Variants in HNRNPM observed in about 807,000 individuals in gnomAD.
The protein encoded by HNRNPM is heterogeneous nuclear ribonucleoprotein M, also known as CEA receptor.
Under a neutral mutation model 73.1 loss-of-function variants are expected in HNRNPM, and 11 were observed. The ratio of observed to expected loss-of-function variants is 0.15; its 90% CI spans 0.09 to 0.25. HNRNPM has a LOEUF of 0.25. Ranked by LOEUF, HNRNPM falls within the 10% of genes least tolerant of loss-of-function variation. The probability of loss-of-function intolerance (pLI) is 1.00; values close to 1 mark genes in which losing one functional copy is unlikely to be tolerated. For missense variants in HNRNPM, 789 were observed against 1,067.9 expected, an observed-to-expected ratio of 0.74 and a Z score of 3.64; for synonymous variants, 407 against 355.2, an observed-to-expected ratio of 1.15 and a Z score of -1.64.
chr19:8,474,121 T>G (rs1045334211), intron 11 of HNRNPM, 46 bp from the exon 12 acceptor site: 13 of 1,388,802 alleles, frequency 9.4e-6, no homozygotes, highest in Admixed American at 2.3e-5. Flanking sequence ...CTGCTTAGTC[T>G]AAGCAGTCTT....
rs191064607 is a variant in HNRNPM at position 8,465,945 on chromosome 19, C to T, written c.631-290C>T. Among the ~76,000 whole-genome samples the T allele has an allele frequency of 5.9e-4, 90 of 152,116 alleles. No homozygotes were observed. The Middle Eastern group carries it at 0.02, about 34-fold the overall frequency. ...TGGGGTGGGGAGTGGTAAAGCTTAT[C>T]AGGGAAACAATTTTTTAAAAATGTT... On this transcript the variant is annotated intron_variant, in intron 6 of 15. Transcript: ENST00000325495.
At chr19:8,448,042 C>G (rs928082271) in intron 1 of HNRNPM, among the ~76,000 whole-genome samples, 1 of 152,126 alleles carries the variant, frequency 6.6e-6, no homozygotes, top group Non-Finnish European at 1.5e-5. Context: ...AACAAACAAA[C>G]AAGAACACTG....
At chr19:8,447,068 C>G (rs1325415705) in intron 1 of HNRNPM, among the ~76,000 whole-genome samples, 1 of 152,126 alleles carries the variant, frequency 6.6e-6, no homozygotes, top group Non-Finnish European at 1.5e-5. Context: ...TTTCCCCTGT[C>G]CATTTTCAAA....
At chr19:8,455,260 T>C (rs1968925756) in intron 1 of HNRNPM, 145 bp from the exon 2 acceptor site, 1 of 659,262 alleles carries the variant, frequency 1.5e-6, no homozygotes, top group Non-Finnish European at 2.5e-6. Context: ...GGATTACAGG[T>C]GTGAGCCACC....
Position 8,486,967 on chromosome 19 carries a change from C to T in HNRNPM, c.1978-57C>T, listed in dbSNP as rs367566072. On this transcript the variant is annotated intron_variant, in intron 14 of 15. Coordinates refer to ENST00000325495, the MANE Select transcript of HNRNPM (RefSeq NM_005968.5). ...ATGGCCCTCAGAGCCAGCTGCAAGG[C>T]ATGCCTTAGGATTTGGTTTAATCAC... 754 of 1,358,776 alleles carry T rather than the reference C, an allele frequency of 5.5e-4. 3 individuals carry two copies. The highest frequency in any genetic ancestry group is 6.9e-4 in the Non-Finnish European group (651 of 947,058). The allele number at this position is 1,358,776 out of a possible 1,614,324, so 84.2% of individuals were successfully genotyped here. A position where few individuals can be genotyped will look rare whatever the true frequency, so the allele number is the denominator to read the frequency against.
intron 1 of HNRNPM, among the ~76,000 whole-genome samples, chr19:8,454,651 C>T (rs1035215758): frequency 4.1e-5 from 6 of 146,754 alleles, no homozygotes; most frequent in Non-Finnish European, 8.9e-5. Flanking sequence ...CTAACTTTTC[C>T]ATGGCGGCTG....
intron 1 of HNRNPM, among the ~76,000 whole-genome samples, chr19:8,452,441 G>C (rs1010755038): frequency 6.6e-6 from 1 of 152,180 alleles, no homozygotes; most frequent in African/African-American, 2.4e-5. Context: ...CATTTTCCAG[G>C]AAAGAGTAGG....
chr19:8,458,843 C>G (rs1329021235), intron 2 of HNRNPM, among the ~76,000 whole-genome samples: 3 of 152,204 alleles, frequency 2.0e-5, no homozygotes, highest in Admixed American at 1.3e-4. Context: ...CATTGTGGGT[C>G]TATTAGGCAG....
At chr19:8,472,880 C>G (rs1346002362) in intron 10 of HNRNPM, among the ~76,000 whole-genome samples, 1 of 152,188 alleles carries the variant, frequency 6.6e-6, no homozygotes, top group Non-Finnish European at 1.5e-5. Context: ...CCACGCCCAC[C>G]CTTAACAGGG....
intron 10 of HNRNPM, among the ~76,000 whole-genome samples, chr19:8,472,638 G>T (rs1029415890): frequency 6.6e-6 from 1 of 152,184 alleles, no homozygotes; most frequent in African/African-American, 2.4e-5. Flanking sequence ...GAGTGCAGTG[G>T]CTCAATCTCA....
chr19:8,486,418 T>TG lies in HNRNPM; in HGVS notation c.1977+17dup. On this transcript the variant is annotated intron_variant, in intron 14 of 15. Transcript: ENST00000325495. ...ATTTGTGAGAAATGTAAGTGGCTCTTGGGGAACTTCTTGGTGGTGGTGAGC... is the reference window on the plus strand; with the variant it reads ...ATTTGTGAGAAATGTAAGTGGCTCTTGGGGGAACTTCTTGGTGGTGGTGAGC... The TG allele has an allele frequency of 6.5e-7, 1 of 1,545,854 alleles. No homozygotes were observed. The highest frequency in any genetic ancestry group is 8.7e-7 in the Non-Finnish European group (1 of 1,152,984).
At position 8,446,134 on chromosome 19, in the gene HNRNPM, T is replaced by C. The variant is rs142664513; in HGVS notation, c.113+1023T>C. ...ACACATTGAATTTCCCAGACATTTA[T>C]TTCATTGTGGTAAAATAGACATAAC... On this transcript the variant is annotated intron_variant, in intron 1 of 15. Coordinates refer to ENST00000325495, the MANE Select transcript of HNRNPM (RefSeq NM_005968.5). Among the ~76,000 whole-genome samples, 177 of 152,300 alleles carry C rather than the reference T, an allele frequency of 1.2e-3. 1 individual carries two copies. Among genetic ancestry groups the C allele is most frequent in the South Asian group, 7.3e-3 (35 of 4,820 alleles).
chr19:8,471,490 C>A, intron 10 of HNRNPM, 63 bp downstream of exon 10: 1 of 847,756 alleles, frequency 1.2e-6, no homozygotes, highest in Non-Finnish European at 1.8e-6. Flanking sequence ...ATTATTGGGA[C>A]AACTGGACTT....
At chr19:8,459,856 T>G (rs1257175092) in intron 2 of HNRNPM, among the ~76,000 whole-genome samples, 2 of 152,210 alleles carry the variant, frequency 1.3e-5, no homozygotes, top group Non-Finnish European at 2.9e-5. Context: ...CAAAAATGAT[T>G]TCTTAGAGCA....
At chr19:8,481,803 C>T (rs973361696) in intron 12 of HNRNPM, among the ~76,000 whole-genome samples, 6 of 152,040 alleles carry the variant, frequency 3.9e-5, no homozygotes, top group South Asian at 4.2e-4. Flanking sequence ...TCAGGCATGC[C>T]GGGCAGGATC....
intron 10 of HNRNPM, among the ~76,000 whole-genome samples, chr19:8,472,172 G>GAA (rs34058302): frequency 9.2e-4 from 77 of 83,526 alleles, no homozygotes; most frequent in African/African-American, 2.4e-3. Flanking sequence ...TCCGTCTCCA[G>GAA]AAAAAAAAAA....
In HNRNPM at chr19:8,479,743, C is replaced by G. The variant is rs370577035; in HGVS notation, c.1121-3415C>G. Among the ~76,000 whole-genome samples the G allele has an allele frequency of 4.9e-3, 716 of 145,986 alleles. 9 individuals are homozygous for G. The highest frequency in any genetic ancestry group is 0.017 in the African/African-American group (677 of 38,890). On this transcript the variant is annotated intron_variant, in intron 12 of 15. Transcript: ENST00000325495. ...ATAGGCAACAGCCACTATGCCTGGCCAGCGGTGTATTTAAAAAAAAAAAAA... is the reference window on the plus strand; with the variant it reads ...ATAGGCAACAGCCACTATGCCTGGCGAGCGGTGTATTTAAAAAAAAAAAAA...
intron 10 of HNRNPM, 97 bp from the exon 11 acceptor site, chr19:8,473,567 T>C: frequency 1.3e-6 from 1 of 765,756 alleles, no homozygotes; most frequent in Non-Finnish European, 2.3e-6. Context: ...GATTTTCTTT[T>C]GAGTTCTTTT....
Position 8,455,314 on chromosome 19 carries a change from G to A in HNRNPM, c.114-91G>A. The A allele has an allele frequency of 5.4e-6, 6 of 1,119,288 alleles. No homozygotes were observed. In the South Asian group the frequency reaches 9.0e-5, roughly 17 times the overall value. The allele number at this position is 1,119,288 out of a possible 1,614,324, so 69.3% of individuals were successfully genotyped here. On this transcript the variant is annotated intron_variant, in intron 1 of 15. Coordinates refer to ENST00000325495, the MANE Select transcript of HNRNPM (RefSeq NM_005968.5). ...TCTTGTGTCATATGTAACTTTGTGT[G>A]GAATTGTAAACCTGGCAAATCAAAT...
Sources: gnomAD v4.1 joint callset for allele counts (sites outside exome capture counted in the v4.1 genomes callset) on GRCh38, gnomAD v4.1.1 for gene constraint, MANE v1.5 for transcripts, NCBI Gene and HGNC (gene_info 2026-07-23, HGNC 2026-07-21) for gene names.